Variants in XRCC5 observed in about 807,000 individuals in gnomAD.
The protein encoded by XRCC5 is X-ray repair cross complementing 5, also known as DNA repair protein Ku80.
XRCC5 carries 12 observed loss-of-function variants against 95.7 expected under a neutral mutation model. The observed-to-expected ratio is 0.13, with a 90% CI of 0.08 to 0.20. The LOEUF (loss-of-function observed/expected upper bound fraction) is 0.20, where lower values mean the gene tolerates loss of function less well. Ranked by LOEUF, XRCC5 falls within the 10% of genes least tolerant of loss-of-function variation. XRCC5 has a pLI of 1.00. For missense variants in XRCC5, 595 were observed against 873.9 expected, an observed-to-expected ratio of 0.68 and a Z score of 4.02; for synonymous variants, 281 against 290.3, an observed-to-expected ratio of 0.97 and a Z score of 0.33.
At chr2:216,189,819 G>A (rs941223167) in intron 16 of XRCC5, among the ~76,000 whole-genome samples, 4 of 152,172 alleles carry the variant, frequency 2.6e-5, no homozygotes, top group African/African-American at 9.7e-5. Context: ...AATTAGGGGA[G>A]GGACTAGAGG....
At chr2:216,178,561 AG>A (rs1446410036) in intron 16 of XRCC5, among the ~76,000 whole-genome samples, 2 of 152,262 alleles carry the variant, frequency 1.3e-5, no homozygotes, top group Non-Finnish European at 1.5e-5. Context: ...GTGTACACCA[AG>A]ATGAGATGAG....
chr2:216,114,602 A>C (rs41297744), intron 2 of XRCC5, among the ~76,000 whole-genome samples: 1 of 151,896 alleles, frequency 6.6e-6, no homozygotes, highest in African/African-American at 2.4e-5. Context: ...AGGGCAAGGG[A>C]GGGGCCCCAA....
At chr2:216,198,573 A>G (rs1689776846) in intron 19 of XRCC5, among the ~76,000 whole-genome samples, 1 of 149,806 alleles carries the variant, frequency 6.7e-6, no homozygotes, top group South Asian at 2.1e-4. Flanking sequence ...TTATTTATTT[A>G]GAGACAGAGT....
intron 9 of XRCC5, among the ~76,000 whole-genome samples, chr2:216,131,674 A>G (rs771927998): frequency 5.3e-5 from 8 of 152,170 alleles, no homozygotes; most frequent in Non-Finnish European, 7.4e-5. Flanking sequence ...TCTACTGTTC[A>G]TCAGTGCCTC....
At chr2:216,155,301 C>A (rs1351097545) in intron 14 of XRCC5, among the ~76,000 whole-genome samples, 9 of 145,474 alleles carry the variant, frequency 6.2e-5, no homozygotes, top group Non-Finnish European at 1.1e-4. Context: ...CTTGGCAAAT[C>A]AAAAAATAAT....
chr2:216,161,928 T>C (rs1383591144), intron 15 of XRCC5, 51 bp from the exon 16 acceptor site: 2 of 1,520,202 alleles, frequency 1.3e-6, no homozygotes, highest in Non-Finnish European at 9.1e-7. Flanking sequence ...CCTGGGGTGC[T>C]GCTAAAAAGA....
chr2:216,175,722 C>A (rs1689259028), intron 16 of XRCC5: 4 of 446,462 alleles, frequency 9.0e-6, no homozygotes, highest in South Asian at 3.6e-5. Flanking sequence ...CACTCCACAC[C>A]CATCAACCTT....
chr2:216,200,562 G>C (rs982512474), intron 19 of XRCC5, among the ~76,000 whole-genome samples: 2 of 152,156 alleles, frequency 1.3e-5, no homozygotes, highest in Admixed American at 1.3e-4. Context: ...TAAATGCACA[G>C]ATCTTAACTG....
chr2:216,171,406 T>A (rs1224925930), intron 16 of XRCC5, among the ~76,000 whole-genome samples: 1 of 152,254 alleles, frequency 6.6e-6, no homozygotes, highest in Non-Finnish European at 1.5e-5. Flanking sequence ...TCAGCAGGGC[T>A]GGAGAATATT....
chr2:216,148,801 A>G (rs569773957), intron 14 of XRCC5, among the ~76,000 whole-genome samples: 3 of 152,294 alleles, frequency 2.0e-5, no homozygotes, highest in Admixed American at 1.3e-4. Context: ...AGTTTTAAGT[A>G]TTGCAAAATG....
At chr2:216,145,764 T>C (rs1016253550) in intron 13 of XRCC5, among the ~76,000 whole-genome samples, 1 of 152,208 alleles carries the variant, frequency 6.6e-6, no homozygotes, top group African/African-American at 2.4e-5. Flanking sequence ...CTGGGGTTTA[T>C]GCTGAAAATC....
chr2:216,158,611 C>CTACT (rs1688891700), intron 14 of XRCC5, among the ~76,000 whole-genome samples: 1 of 151,528 alleles, frequency 6.6e-6, no homozygotes, highest in Admixed American at 6.6e-5. Flanking sequence ...ATTTTTTATT[C>CTACT]TACTTGCAAG....
chr2:216,111,294 G>A, intron 1 of XRCC5: 1 of 373,386 alleles, frequency 2.7e-6, no homozygotes, highest in Non-Finnish European at 5.5e-6. Flanking sequence ...GGCGGAGGTG[G>A]GAGGATTGCT....
At chr2:216,159,229 C>G (rs898021568) in intron 14 of XRCC5, among the ~76,000 whole-genome samples, 1 of 152,110 alleles carries the variant, frequency 6.6e-6, no homozygotes, top group Non-Finnish European at 1.5e-5. Flanking sequence ...GATTGCATTT[C>G]TCTCTGGGAG....
chr2:216,173,266 T>A (rs1003331418), intron 16 of XRCC5, among the ~76,000 whole-genome samples: 9 of 152,136 alleles, frequency 5.9e-5, no homozygotes, highest in African/African-American at 2.2e-4. Context: ...CAGTGTTGAA[T>A]AGAAATAAGA....
intron 17 of XRCC5, 48 bp from the exon 18 acceptor site, chr2:216,192,591 G>C: frequency 7.2e-7 from 1 of 1,384,024 alleles, no homozygotes; most frequent in Non-Finnish European, 9.8e-7. Flanking sequence ...ATTTGTTTTT[G>C]TGTTTGCTCT....
intron 5 of XRCC5, among the ~76,000 whole-genome samples, chr2:216,121,054 A>C (rs1018655273): frequency 6.6e-6 from 1 of 152,150 alleles, no homozygotes; most frequent in Non-Finnish European, 1.5e-5. Context: ...AGTTTCTTCT[A>C]CTGACTACTG....
intron 16 of XRCC5, among the ~76,000 whole-genome samples, chr2:216,187,300 A>ATTTT (rs202191623): frequency 2.0e-5 from 3 of 148,792 alleles, no homozygotes; most frequent in African/African-American, 7.4e-5. Flanking sequence ...TTAGGACTTC[A>ATTTT]TTTTTTTTTT....
chr2:216,172,464 C>CTTTCCTTTTTTTTTTTTTTTT (rs1258491985), intron 16 of XRCC5, among the ~76,000 whole-genome samples: 3 of 70,350 alleles, frequency 4.3e-5, no homozygotes, highest in African/African-American at 1.9e-4. Context: ...ATCAGCTTTT[C>CTTTCCTTTTTTTTTTTTTTTT]TTTTCTTTTT....
Sources: gnomAD v4.1 joint callset for allele counts (sites outside exome capture counted in the v4.1 genomes callset) on GRCh38, gnomAD v4.1.1 for gene constraint, MANE v1.5 for transcripts, NCBI Gene and HGNC (gene_info 2026-07-23, HGNC 2026-07-21) for gene names.